MAPT: variants seen among roughly 807,000 people sequenced by gnomAD.
MAPT encodes microtubule-associated protein tau.
MAPT carries 34 observed loss-of-function variants against 67.9 expected under a neutral mutation model. The ratio of observed to expected loss-of-function variants is 0.50; its 90% CI spans 0.38 to 0.67. The LOEUF (loss-of-function observed/expected upper bound fraction) is 0.67. MAPT is among the 30% of genes least tolerant of loss of function. The probability of loss-of-function intolerance (pLI) is 0.00; values close to 1 mark genes in which losing one functional copy is unlikely to be tolerated. For synonymous variants in MAPT, 456 were observed against 464.5 expected, an observed-to-expected ratio of 0.98 and a Z score of 0.23; for missense variants, 881 against 1,115.2, an observed-to-expected ratio of 0.79 and a Z score of 2.99.
intron 1 of MAPT, among the ~76,000 whole-genome samples, chr17:45,947,930 CCA>C (rs1478199066): frequency 6.6e-6 from 1 of 152,030 alleles, no homozygotes; most frequent in East Asian, 1.9e-4. Context: ...AAAATGGATC[CCA>C]CCCTTCCCCA....
Position 45,897,332 on chromosome 17 carries a change from T to G in MAPT, c.-18+2646T>G, listed in dbSNP as rs2063321941. 6.6e-6 allele frequency: 1 copy of G among 152,278 alleles called. No individual in the cohort carries two copies. Among genetic ancestry groups the G allele is most frequent in the Non-Finnish European group, 1.5e-5 (1 of 68,054 alleles). The allele number at this position is 152,278 out of a possible 1,614,324, so 9.4% of individuals were successfully genotyped here. On this transcript the variant is annotated intron_variant, in intron 1 of 12. Transcript: ENST00000262410. The surrounding 1 kb of genome is among the most constrained non-coding windows in gnomAD (Gnocchi z 5.0). ...GGAGCCCGGTGGGGATGAGCGCATTTAGCCCAATGCTGGGAACAAAGCGCA... is the reference window on the plus strand; with the variant it reads ...GGAGCCCGGTGGGGATGAGCGCATTGAGCCCAATGCTGGGAACAAAGCGCA...
At chr17:45,917,966 G>A (rs1282035830) in intron 1 of MAPT, among the ~76,000 whole-genome samples, 1 of 152,120 alleles carries the variant, frequency 6.6e-6, no homozygotes. Context: ...AGAGACGGGG[G>A]TTTCACTCTG....
At chr17:45,923,125 G>T (rs1489758126) in intron 1 of MAPT, among the ~76,000 whole-genome samples, 2 of 152,208 alleles carry the variant, frequency 1.3e-5, no homozygotes, top group Non-Finnish European at 2.9e-5. Context: ...CCTCTAAGGG[G>T]TGTTGTGAAG....
intron 4 of MAPT, among the ~76,000 whole-genome samples, chr17:45,982,513 T>C (rs1368579638): frequency 6.6e-6 from 1 of 152,000 alleles, no homozygotes; most frequent in African/African-American, 2.4e-5. Flanking sequence ...CCAGGGCGGC[T>C]CCAGATGTGT....
At chr17:45,953,087 T>C (rs1046814449) in intron 1 of MAPT, among the ~76,000 whole-genome samples, 1 of 152,152 alleles carries the variant, frequency 6.6e-6, no homozygotes, top group African/African-American at 2.4e-5. Flanking sequence ...GCAAGGCACC[T>C]GCATGGAGCA....
intron 1 of MAPT, among the ~76,000 whole-genome samples, chr17:45,902,617 C>G (rs566933934): frequency 6.6e-6 from 1 of 152,268 alleles, no homozygotes; most frequent in African/African-American, 2.4e-5. Context: ...TTCTCCCCGC[C>G]CATCTTCTGT....
Position 45,982,927 on chromosome 17 carries a change from T to A in MAPT, c.348T>A (p.Ile116=). The part of the protein sequence containing the change: ...KAPERPLANE[I]SAHVQPGPCG... ...CTGAAAGGCCCCTGGCCAATGAGAT[T>A]AGCGCCCACGTCCAGCCTGGACCCT... The change falls in exon 5 of 13, where the codon ATT becomes ATA. Residue 116 remains isoleucine, a synonymous_variant. Transcript: ENST00000262410. The A allele has an allele frequency of 7.2e-7, 1 of 1,385,674 alleles. No homozygotes were observed. The highest frequency in any genetic ancestry group is 9.3e-7 in the Non-Finnish European group (1 of 1,071,428). 85.8% of individuals were successfully genotyped at this position (1,385,674 alleles called of 1,614,324 possible).
chr17:45,995,047 CA>C lies in MAPT; in HGVS notation c.1733-1342del, dbSNP rs935047564. 1.2e-4 allele frequency among the ~76,000 whole-genome samples: 18 copies of C among 147,554 alleles called. No individual in the cohort carries two copies. The highest frequency in any genetic ancestry group is 2.5e-4 in the African/African-American group (10 of 40,094). On this transcript the variant is annotated intron_variant, in intron 8 of 12. Transcript: ENST00000262410. This position sits in a 1 kb window ranked among gnomAD's most constrained non-coding sequence, Gnocchi z 4.3. ...TGGGCATCAGAATAAGACTCCGTCT[CA>C]AAAAAAAAACCACAAAAAAACAAAA...
intron 4 of MAPT, among the ~76,000 whole-genome samples, chr17:45,982,093 G>T (rs986436602): frequency 2.3e-4 from 35 of 151,862 alleles, no homozygotes; most frequent in Admixed American, 5.2e-4. Flanking sequence ...GGGGACCGGG[G>T]TGGGCAGATC....
intron 1 of MAPT, among the ~76,000 whole-genome samples, chr17:45,899,991 C>A (rs1257500751): frequency 6.6e-6 from 1 of 152,162 alleles, no homozygotes; most frequent in African/African-American, 2.4e-5. Flanking sequence ...AAGGTCAAGT[C>A]TCTGAGGTTT....
Position 46,010,252 on chromosome 17 carries a change from G to A in MAPT, c.1999-58G>A, listed in dbSNP as rs147310649. On this transcript the variant is annotated intron_variant, in intron 9 of 12. Coordinates refer to ENST00000262410, the MANE Select transcript of MAPT (RefSeq NM_001377265.1). This position sits in a 1 kb window ranked among gnomAD's most constrained non-coding sequence, Gnocchi z 4.7. ...TCATCGAAAGTGGAGGCGTCCTTGCGAGCAAGCAGGCGGGTCCAGGGTGGC... is the reference window on the plus strand; with the variant it reads ...TCATCGAAAGTGGAGGCGTCCTTGCAAGCAAGCAGGCGGGTCCAGGGTGGC... The A allele has an allele frequency of 9.1e-4, 1,116 of 1,224,078 alleles. 5 individuals carry two copies. Among genetic ancestry groups the A allele is most frequent in the Middle Eastern group, 6.3e-3 (24 of 3,830 alleles). The allele number at this position is 1,224,078 out of a possible 1,614,324, so 75.8% of individuals were successfully genotyped here.
chr17:46,005,751 G>A (rs1176101799), intron 9 of MAPT, among the ~76,000 whole-genome samples: 4 of 152,212 alleles, frequency 2.6e-5, no homozygotes, highest in African/African-American at 9.6e-5. Flanking sequence ...CGCAGCTCCA[G>A]CCTGGGCTGA....
chr17:45,927,672 T>C (rs1339873282), intron 1 of MAPT, among the ~76,000 whole-genome samples: 1 of 152,130 alleles, frequency 6.6e-6, no homozygotes, highest in Non-Finnish European at 1.5e-5. Context: ...TCAACCACCC[T>C]AGCTCTCTTC....
intron 1 of MAPT, among the ~76,000 whole-genome samples, chr17:45,926,918 T>C (rs190345628): frequency 2.2e-4 from 33 of 150,540 alleles, no homozygotes; most frequent in Middle Eastern, 3.5e-3. Flanking sequence ...TATGTGTGTA[T>C]ATATATACAC....
chr17:45,960,682 G>T (rs1306370283), intron 1 of MAPT, among the ~76,000 whole-genome samples: 1 of 152,136 alleles, frequency 6.6e-6, no homozygotes, highest in African/African-American at 2.4e-5. Context: ...AGGCATGGTG[G>T]CAGCTTATGC....
chr17:46,014,366 G>T (rs1450709391), intron 11 of MAPT, 42 bp downstream of exon 11: 3 of 1,409,388 alleles, frequency 2.1e-6, no homozygotes, highest in Non-Finnish European at 3.0e-6. Flanking sequence ...GAGGGTGCAG[G>T]GGGTGGAGGA....
chr17:45,973,181 G>C (rs2071909498), intron 3 of MAPT: 1 of 152,210 alleles, frequency 6.6e-6, no homozygotes, highest in Non-Finnish European at 1.5e-5. Flanking sequence ...CCCGCCTCTT[G>C]CTTGGTATAA....
intron 1 of MAPT, among the ~76,000 whole-genome samples, chr17:45,909,777 A>C (rs1404506563): frequency 1.3e-5 from 2 of 150,686 alleles, no homozygotes; most frequent in Non-Finnish European, 3.0e-5. Flanking sequence ...AGGCTGAGAC[A>C]GGAGAGAATC....
chr17:45,920,683 CT>C (rs2144390313), intron 1 of MAPT, among the ~76,000 whole-genome samples: 1 of 152,340 alleles, frequency 6.6e-6, no homozygotes, highest in South Asian at 2.1e-4. Context: ...GTCCTGTGAC[CT>C]CTATACACCT....
Sources: allele counts gnomAD v4.1 joint callset (sites outside exome capture counted in the v4.1 genomes callset), GRCh38; gene constraint gnomAD v4.1.1; non-coding constraint Gnocchi (gnomAD v3.1); transcripts MANE v1.5; gene names NCBI Gene and HGNC (gene_info 2026-07-23, HGNC 2026-07-21).